The following RBFOX1 variants were observed in gnomAD, a reference collection of about 807,000 sequenced individuals.
RBFOX1 encodes RNA binding protein fox-1 homolog 1.
A neutral mutation model predicts 57.7 loss-of-function variants in RBFOX1; 8 were observed. That is an observed-to-expected ratio of 0.14 (90% CI 0.08 to 0.25). The LOEUF (loss-of-function observed/expected upper bound fraction) is 0.25, where lower values mean the gene tolerates loss of function less well. Among genes scored for constraint, RBFOX1 ranks in the 10% least tolerant of loss-of-function variants. The pLI is 1.00. For synonymous variants in RBFOX1, 326 were observed against 222.4 expected (o/e 1.47, Z -4.15); for missense variants, 611 against 548.5 (o/e 1.11, Z -1.14).
chr16:5,769,193 A>T (rs1056371551), intron 3 of RBFOX1, among the ~76,000 whole-genome samples: 5 of 152,186 alleles, frequency 3.3e-5, no homozygotes, highest in South Asian at 2.1e-4. Context: ...CATCAACTAA[A>T]TTATGTCCCC....
At chr16:6,553,140 G>C (rs1187228002) in intron 2 of RBFOX1, among the ~76,000 whole-genome samples, 1 of 152,162 alleles carries the variant, frequency 6.6e-6, no homozygotes, top group African/African-American at 2.4e-5. Flanking sequence ...GGTCATGGAA[G>C]TCAGTTCTGT....
chr16:5,671,139 A>G (rs1306854116), intron 3 of RBFOX1, among the ~76,000 whole-genome samples: 2 of 152,230 alleles, frequency 1.3e-5, no homozygotes, highest in East Asian at 3.8e-4. Flanking sequence ...TCTTCTGTGG[A>G]TTCCCTATTT....
chr16:6,825,951 C>T (rs189493006), intron 3 of RBFOX1, among the ~76,000 whole-genome samples: 23 of 152,284 alleles, frequency 1.5e-4, no homozygotes, highest in African/African-American at 5.1e-4. Context: ...GGGTGCTCAT[C>T]CTTTAACGAT....
At chr16:7,216,108 T>C (rs2091992361) in intron 4 of RBFOX1, among the ~76,000 whole-genome samples, 1 of 152,204 alleles carries the variant, frequency 6.6e-6, no homozygotes, top group South Asian at 2.1e-4. Context: ...ACGGGGTTCA[T>C]CCATGTTATA....
intron 3 of RBFOX1, among the ~76,000 whole-genome samples, chr16:6,996,226 G>T (rs547117585): frequency 6.6e-6 from 1 of 152,162 alleles, no homozygotes; most frequent in Non-Finnish European, 1.5e-5. Context: ...ATACAGGAAG[G>T]CTTAGTTTAG....
intron 3 of RBFOX1, among the ~76,000 whole-genome samples, chr16:5,646,587 G>C (rs2049061997): frequency 6.6e-6 from 1 of 152,178 alleles, no homozygotes; most frequent in Non-Finnish European, 1.5e-5. Flanking sequence ...TGTGCAGCAT[G>C]TGTCAGGGAG....
At chr16:6,966,184 C>G (rs1250576953) in intron 3 of RBFOX1, among the ~76,000 whole-genome samples, 5 of 152,126 alleles carry the variant, frequency 3.3e-5, no homozygotes, top group Non-Finnish European at 7.3e-5. Context: ...GGCTTCCTAT[C>G]TCTCTGAGCC....
intron 1 of RBFOX1, among the ~76,000 whole-genome samples, chr16:5,343,158 A>C (rs748702489): frequency 7.2e-5 from 11 of 152,220 alleles, no homozygotes; most frequent in Non-Finnish European, 1.5e-4. Context: ...TGCTTTCAAC[A>C]TTCATTGGCT....
At chr16:5,304,080 C>T (rs142033113) in intron 1 of RBFOX1, among the ~76,000 whole-genome samples, 1,792 of 152,284 alleles carry the variant, frequency 0.012, 17 homozygotes, top group Non-Finnish European at 0.017. Context: ...TTCCTTCTGA[C>T]AAATCTCCAA....
At chr16:6,872,577 C>T (rs17141598) in intron 3 of RBFOX1, among the ~76,000 whole-genome samples, 13,758 of 152,040 alleles carry the variant, frequency 0.09, 661 homozygotes, top group South Asian at 0.12. Flanking sequence ...AAGATAAGAA[C>T]GTTTGGAACG....
chr16:6,924,843 C>A (rs1253436606), intron 3 of RBFOX1, among the ~76,000 whole-genome samples: 1 of 133,868 alleles, frequency 7.5e-6, no homozygotes, highest in South Asian at 2.6e-4. Context: ...CCCCCTCCCC[C>A]TACCCCACAA....
chr16:5,264,299 C>T (rs549150620), intron 1 of RBFOX1, among the ~76,000 whole-genome samples: 2 of 152,058 alleles, frequency 1.3e-5, no homozygotes, highest in South Asian at 2.1e-4. Context: ...TGTGAGGATG[C>T]TGCAGTTGGA....
chr16:5,401,794 CTTT>C (rs1313253789), intron 1 of RBFOX1, among the ~76,000 whole-genome samples: 5 of 126,530 alleles, frequency 4.0e-5, no homozygotes, highest in Admixed American at 8.3e-5. Flanking sequence ...TCCTCCTCCT[CTTT>C]CTCCTCCTCC....
At chr16:7,213,544 G>T (rs2091525216) in intron 4 of RBFOX1, among the ~76,000 whole-genome samples, 1 of 140,426 alleles carries the variant, frequency 7.1e-6, no homozygotes, top group Non-Finnish European at 1.5e-5. Context: ...TTCTCAAAGG[G>T]ATCCTCTAAT....
intron 2 of RBFOX1, among the ~76,000 whole-genome samples, chr16:5,567,254 T>C (rs574568380): frequency 2.0e-5 from 3 of 152,154 alleles, no homozygotes; most frequent in Non-Finnish European, 2.9e-5. Context: ...GGATATCCCA[T>C]GTGGACACGT....
intron 3 of RBFOX1, among the ~76,000 whole-genome samples, chr16:5,802,837 C>A (rs1017006067): frequency 6.6e-6 from 1 of 152,044 alleles, no homozygotes; most frequent in Non-Finnish European, 1.5e-5. Flanking sequence ...ATGAATCTCG[C>A]CCCCATCTGT....
intron 3 of RBFOX1, among the ~76,000 whole-genome samples, chr16:6,843,769 G>C (rs563559242): frequency 6.6e-6 from 1 of 152,100 alleles, no homozygotes; most frequent in Admixed American, 6.6e-5. Flanking sequence ...ATTTAGGAAC[G>C]TATCCTTCAC....
At chr16:5,526,211 G>A (rs181957155) in intron 2 of RBFOX1, among the ~76,000 whole-genome samples, 1 of 152,300 alleles carries the variant, frequency 6.6e-6, no homozygotes, top group Non-Finnish European at 1.5e-5. Flanking sequence ...GAAGGAAGCT[G>A]TAGTTTGCCC....
chr16:5,467,402 G>T, intron 2 of RBFOX1: 1 of 699,134 alleles, frequency 1.4e-6, no homozygotes, highest in Non-Finnish European at 2.3e-6. Context: ...CCCTTAGCAA[G>T]AAGGTCACTA....
Sources: allele counts gnomAD v4.1 joint callset (sites outside exome capture counted in the v4.1 genomes callset), GRCh38; gene constraint gnomAD v4.1.1; transcripts MANE v1.5; gene names NCBI Gene and HGNC (gene_info 2026-07-23, HGNC 2026-07-21).